SPATS2: variants seen among roughly 807,000 people sequenced by gnomAD.
SPATS2 encodes spermatogenesis-associated serine-rich protein 2.
A neutral mutation model predicts 63.7 loss-of-function variants in SPATS2; 38 were observed. That is an observed-to-expected ratio of 0.60 (90% CI 0.46 to 0.78). The LOEUF is 0.78. Among genes scored for constraint, SPATS2 ranks in the 30% least tolerant of loss-of-function variants. The probability of loss-of-function intolerance (pLI) is 0.00; values close to 1 mark genes in which losing one functional copy is unlikely to be tolerated. For missense variants in SPATS2, 588 were observed against 666.2 expected, an observed-to-expected ratio of 0.88 and a Z score of 1.29; for synonymous variants, 207 against 232.9, an observed-to-expected ratio of 0.89 and a Z score of 1.01.
intron 11 of SPATS2, among the ~76,000 whole-genome samples, chr12:49,521,640 T>C (rs1946943085): frequency 6.6e-6 from 1 of 152,200 alleles, no homozygotes; most frequent in Non-Finnish European, 1.5e-5. Context: ...CTCTCCACTT[T>C]TTCAGTGTAC....
chr12:49,390,214 A>C, intron 2 of SPATS2: 1 of 1,048,142 alleles, frequency 9.5e-7, no homozygotes, highest in Non-Finnish European at 1.4e-6. Context: ...GTGGTCAAAT[A>C]AGTGAATGAA....
intron 2 of SPATS2, among the ~76,000 whole-genome samples, chr12:49,383,460 G>C (rs188933655): frequency 5.1e-4 from 77 of 152,108 alleles, no homozygotes; most frequent in Non-Finnish European, 8.7e-4. Context: ...ACCCTGGCTG[G>C]AGCGCAGTGA....
Position 49,496,846 on chromosome 12 carries a change from G to C in SPATS2, c.540G>C (p.Gln180His), listed in dbSNP as rs765573967. 1.9e-6 allele frequency: 3 copies of C among 1,614,148 alleles called. No homozygotes were observed. In the East Asian group the frequency reaches 6.7e-5, roughly 36 times the overall value. ...DTLDRTGSML[Q>H]NGVSDFETKS... ...TTTCTTGGACAGGATCCATGCTGCA[G>C]AATGGTGTCTCTGATTTTGAGACCA... The change falls in exon 8 of 14, where the codon CAG (glutamine) becomes CAC (histidine). Residue 180 changes from glutamine (Q) to histidine (H), a missense_variant. Physicochemically the swap from Gln to His is conservative, Grantham distance 24. Coordinates refer to ENST00000552918, the MANE Select transcript of SPATS2 (RefSeq NM_023071.4).
chr12:49,471,671 T>G (rs1160474451), intron 3 of SPATS2, among the ~76,000 whole-genome samples: 1 of 152,198 alleles, frequency 6.6e-6, no homozygotes, highest in African/African-American at 2.4e-5. Flanking sequence ...TATAGCTCAG[T>G]GGCATTAGTA....
rs1481034818 is a variant in SPATS2, at chr12:49,514,427, A to G, written c.840-128A>G. On this transcript the variant is annotated intron_variant, in intron 9 of 13. Transcript: ENST00000552918. ...AGACATCAGAATTTGTATGTGATCC[A>G]TACAATATTATTTTTTAGTATGCTT... The G allele has an allele frequency of 6.6e-6, 5 of 754,302 alleles. No individual in the cohort carries two copies. In the East Asian group the frequency reaches 1.4e-4, roughly 21 times the overall value. The allele number at this position is 754,302 out of a possible 1,614,324, so 46.7% of individuals were successfully genotyped here. A position where few individuals can be genotyped will look rare whatever the true frequency, so the allele number is the denominator to read the frequency against.
intron 2 of SPATS2, among the ~76,000 whole-genome samples, chr12:49,421,159 C>T (rs1834640230): frequency 6.6e-6 from 1 of 152,082 alleles, no homozygotes; most frequent in South Asian, 2.1e-4. Flanking sequence ...GTGGCTAACG[C>T]CTATAATCCC....
intron 9 of SPATS2, among the ~76,000 whole-genome samples, chr12:49,514,088 C>T (rs535558278): frequency 6.6e-5 from 10 of 150,586 alleles, no homozygotes; most frequent in East Asian, 3.9e-4. Flanking sequence ...ACCCGGAAGG[C>T]GGAGCTTGCA....
rs989085737 is a variant in SPATS2 at position 49,397,833 on chromosome 12, TAAA to T, written c.-244+26566_-244+26568del. On this transcript the variant is annotated intron_variant, in intron 2 of 13. Coordinates refer to ENST00000552918, the MANE Select transcript of SPATS2 (RefSeq NM_023071.4). ...TGACAGAGTGAGACTCTTAGCTCTT[TAAA>T]AAAAAAAAAAAAAAAAAAAAAAGGA... 1.8e-3 allele frequency among the ~76,000 whole-genome samples: 146 copies of T among 82,324 alleles called. 1 individual carries two copies. Among genetic ancestry groups the T allele is most frequent in the African/African-American group, 6.8e-3 (137 of 20,282 alleles). 54.0% of individuals were successfully genotyped at this position (82,324 alleles called of 152,430 possible).
intron 2 of SPATS2, among the ~76,000 whole-genome samples, chr12:49,421,256 A>G (rs1426338618): frequency 6.6e-6 from 1 of 151,974 alleles, no homozygotes; most frequent in Non-Finnish European, 1.5e-5. Context: ...CGTCTCTACT[A>G]AAAATACAAA....
chr12:49,449,511 G>C (rs1397463653), intron 2 of SPATS2, among the ~76,000 whole-genome samples: 1 of 152,198 alleles, frequency 6.6e-6, no homozygotes, highest in Non-Finnish European at 1.5e-5. Context: ...ACCGTGCCTG[G>C]CCCAGTCTGG....
intron 2 of SPATS2, among the ~76,000 whole-genome samples, chr12:49,410,117 C>A (rs567154645): frequency 6.6e-6 from 1 of 151,928 alleles, no homozygotes; most frequent in Non-Finnish European, 1.5e-5. Context: ...GCTCTGTCGC[C>A]CAGGCTGGAG....
At chr12:49,490,255 A>G (rs1182358610) in intron 5 of SPATS2, 2 of 155,908 alleles carry the variant, frequency 1.3e-5, no homozygotes, top group African/African-American at 4.8e-5. Context: ...TTTTTAAAAA[A>G]TAATGTTAGT....
chr12:49,497,674 G>GT (rs1036263319), intron 8 of SPATS2, among the ~76,000 whole-genome samples: 1 of 152,008 alleles, frequency 6.6e-6, no homozygotes, highest in African/African-American at 2.4e-5. Context: ...AATTACAGGC[G>GT]TGAGCCACTG....
intron 2 of SPATS2, among the ~76,000 whole-genome samples, chr12:49,426,706 G>GGTAGTACAAAAAATA (rs1028068541): frequency 2.6e-5 from 4 of 152,108 alleles, no homozygotes; most frequent in African/African-American, 9.7e-5. Flanking sequence ...ACCTCGCCCA[G>GGTAGTACAAAAAATA]CTAATTTTTT....
At chr12:49,389,247 A>C (rs971598303) in intron 2 of SPATS2, among the ~76,000 whole-genome samples, 2 of 152,168 alleles carry the variant, frequency 1.3e-5, no homozygotes, top group Non-Finnish European at 2.9e-5. Flanking sequence ...CGAGGAAGGA[A>C]ATCTCGCAAG....
chr12:49,402,655 T>C lies in SPATS2; in HGVS notation c.-244+31365T>C, dbSNP rs1475650014. 2.0e-5 allele frequency among the ~76,000 whole-genome samples: 3 copies of C among 152,070 alleles called. No individual in the cohort carries two copies. In the East Asian group the frequency reaches 5.8e-4, roughly 29 times the overall value. On this transcript the variant is annotated intron_variant, in intron 2 of 13. Coordinates refer to ENST00000552918, the MANE Select transcript of SPATS2 (RefSeq NM_023071.4). ...GAAATCGCCTGGAATGATAGCCCAG[T>C]GAACCAGGAACTAAAGTCTTCAAGG...
Position 49,390,084 on chromosome 12 carries a change from C to T in SPATS2, c.-244+18794C>T. The T allele has an allele frequency of 2.3e-6, 3 of 1,300,172 alleles. No individual in the cohort carries two copies. In the Admixed American group the frequency reaches 5.1e-5, roughly 22 times the overall value. The allele number at this position is 1,300,172 out of a possible 1,614,324, so 80.5% of individuals were successfully genotyped here. ...AAATAACTCGAGAATCACTTTTGAA[C>T]CTAAGGAAAGAAGATGTGTCGGAAA... On this transcript the variant is annotated intron_variant, in intron 2 of 13. Coordinates refer to ENST00000552918, the MANE Select transcript of SPATS2 (RefSeq NM_023071.4).
intron 12 of SPATS2, among the ~76,000 whole-genome samples, chr12:49,524,100 A>G (rs1053085513): frequency 6.6e-6 from 1 of 152,168 alleles, no homozygotes; most frequent in African/African-American, 2.4e-5. Context: ...TATTTTTTTC[A>G]GTTAGATAGG....
At chr12:49,506,128 A>AT (rs1268219525) in intron 9 of SPATS2, among the ~76,000 whole-genome samples, 1 of 152,212 alleles carries the variant, frequency 6.6e-6, no homozygotes, top group Non-Finnish European at 1.5e-5. Context: ...GCTAATATAA[A>AT]TGTTCTGAGC....
Sources: allele counts gnomAD v4.1 joint callset (sites outside exome capture counted in the v4.1 genomes callset), GRCh38; gene constraint gnomAD v4.1.1; transcripts MANE v1.5; gene names NCBI Gene and HGNC (gene_info 2026-07-23, HGNC 2026-07-21).